IP6K1: variants seen among roughly 807,000 people sequenced by gnomAD.
IP6K1 encodes ATP:1D-myo-inositol-hexakisphosphate phosphotransferase.
A neutral mutation model predicts 38.3 loss-of-function variants in IP6K1; 13 were observed. The ratio of observed to expected loss-of-function variants is 0.34; its 90% CI spans 0.22 to 0.54. The LOEUF is 0.54. IP6K1 is among the 20% of genes least tolerant of loss of function. The pLI, the probability that IP6K1 is intolerant of heterozygous loss-of-function variation, is 0.92. For synonymous variants in IP6K1, 212 were observed against 229.9 expected (o/e 0.92, Z 0.70); for missense variants, 397 against 599.8 (o/e 0.66, Z 3.53).
intron 1 of IP6K1, among the ~76,000 whole-genome samples, chr3:49,761,188 G>A (rs987831124): frequency 2.6e-5 from 4 of 151,486 alleles, no homozygotes; most frequent in Admixed American, 2.0e-4. Flanking sequence ...GGTGGTGGGC[G>A]CCTGTAGTCC....
At chr3:49,771,188 CAAAAAAAAAAA>C (rs35601566) in intron 1 of IP6K1, among the ~76,000 whole-genome samples, 1 of 72,508 alleles carries the variant, frequency 1.4e-5, no homozygotes, top group Non-Finnish European at 2.7e-5. Context: ...AACTCAGTAA[CAAAAAAAAAAA>C]AAAAAAAAAA....
intron 1 of IP6K1, among the ~76,000 whole-genome samples, chr3:49,753,279 A>T (rs2080794845): frequency 6.6e-6 from 1 of 152,094 alleles, no homozygotes; most frequent in Non-Finnish European, 1.5e-5. Flanking sequence ...CCTCTGCCTA[A>T]ACATTCTTCC....
intron 1 of IP6K1, among the ~76,000 whole-genome samples, chr3:49,760,296 G>A (rs1354126401): frequency 1.3e-5 from 2 of 152,036 alleles, no homozygotes; most frequent in Non-Finnish European, 2.9e-5. Flanking sequence ...CTTCACCTAC[G>A]CAAACCCATC....
chr3:49,783,444 A>G (rs1039549554), intron 1 of IP6K1, among the ~76,000 whole-genome samples: 7 of 151,708 alleles, frequency 4.6e-5, no homozygotes, highest in African/African-American at 1.7e-4. Context: ...TGGGTGCAGT[A>G]GCTCTCGCCT....
At position 49,727,034 on chromosome 3, in the gene IP6K1, G is replaced by C. The variant is rs1174207198; in HGVS notation, c.*88C>G. 4 of 1,292,372 alleles carry C rather than the reference G, an allele frequency of 3.1e-6. No individual in the cohort carries two copies. The highest frequency in any genetic ancestry group is 1.4e-5 in the South Asian group (1 of 69,662). The allele number at this position is 1,292,372 out of a possible 1,614,324, so 80.1% of individuals were successfully genotyped here. A position where few individuals can be genotyped will look rare whatever the true frequency, so the allele number is the denominator to read the frequency against. On this transcript the variant is annotated 3_prime_UTR_variant, in exon 6 of 6. Transcript: ENST00000321599. The surrounding 1 kb of genome is among the most constrained non-coding windows in gnomAD (Gnocchi z 5.9). ...CAAAGAGAAATATAACCCTTTAAAA[G>C]CAAGTCTGTGTGTCCTCACGGCAAG... is the stretch of plus-strand genomic sequence containing the variant.
rs2080507666 is a variant in IP6K1, at chr3:49,726,793, C to A, written c.*329G>T. ...TCAGCAGGGCCCTGCAGCCACAGAT[C>A]TCAAAGATCTAGACAAGAGAAACCA... On this transcript the variant is annotated 3_prime_UTR_variant, in exon 6 of 6. Coordinates refer to ENST00000321599, the MANE Select transcript of IP6K1 (RefSeq NM_153273.4). The A allele has an allele frequency of 2.5e-6, 1 of 400,718 alleles. No homozygotes were observed. The highest frequency in any genetic ancestry group is 2.1e-5 in the African/African-American group (1 of 48,574). 24.8% of individuals were successfully genotyped at this position (400,718 alleles called of 1,614,324 possible). A position where few individuals can be genotyped will look rare whatever the true frequency, so the allele number is the denominator to read the frequency against.
rs150394840 is a variant in IP6K1 at position 49,748,523 on chromosome 3, C to T, written c.-128-355G>A. On this transcript the variant is annotated intron_variant, in intron 1 of 5. Coordinates refer to ENST00000321599, the MANE Select transcript of IP6K1 (RefSeq NM_153273.4). ...ACCCAAAGATGAGATCAGAAAAAAA[C>T]AGAAGGCAATGGGAATTTGTTCTGT... Among the ~76,000 whole-genome samples, 17 of 152,276 alleles carry T rather than the reference C, an allele frequency of 1.1e-4. No individual in the cohort carries two copies. The East Asian group carries it at 2.3e-3, about 21-fold the overall frequency.
intron 2 of IP6K1, among the ~76,000 whole-genome samples, chr3:49,745,085 T>C (rs1047752668): frequency 6.6e-6 from 1 of 151,770 alleles, no homozygotes; most frequent in Non-Finnish European, 1.5e-5. Context: ...AACTCATAAG[T>C]GTAAAAGACA....
intron 4 of IP6K1, among the ~76,000 whole-genome samples, chr3:49,728,881 T>A (rs2080537254): frequency 6.6e-6 from 1 of 151,916 alleles, no homozygotes; most frequent in Non-Finnish European, 1.5e-5. Context: ...AGCTAGAACT[T>A]TTTCATCTTC....
chr3:49,778,316 ACTCGGT>A (rs1203716824), intron 1 of IP6K1, among the ~76,000 whole-genome samples: 1 of 138,182 alleles, frequency 7.2e-6, no homozygotes, highest in Middle Eastern at 4.8e-3. Flanking sequence ...CAAGAGTGAG[ACTCGGT>A]CTCAAAAAAA....
chr3:49,729,902 A>T (rs890061522), intron 4 of IP6K1, among the ~76,000 whole-genome samples: 17 of 150,852 alleles, frequency 1.1e-4, no homozygotes, highest in Admixed American at 3.3e-4. Flanking sequence ...TTTAATTATT[A>T]TTTTTTTTGA....
At chr3:49,746,003 C>T (rs1458442004) in intron 2 of IP6K1, among the ~76,000 whole-genome samples, 3 of 152,128 alleles carry the variant, frequency 2.0e-5, no homozygotes, top group African/African-American at 7.2e-5. Context: ...CAAGTCAAAG[C>T]CACAGATACC....
intron 4 of IP6K1, among the ~76,000 whole-genome samples, chr3:49,732,080 C>T (rs1393440128): frequency 6.6e-6 from 1 of 151,866 alleles, no homozygotes; most frequent in Non-Finnish European, 1.5e-5. Context: ...CAAGCACACA[C>T]CACCACATCC....
At chr3:49,780,191 C>G (rs2081052394) in intron 1 of IP6K1, among the ~76,000 whole-genome samples, 1 of 151,998 alleles carries the variant, frequency 6.6e-6, no homozygotes, top group African/African-American at 2.4e-5. Context: ...AACAAAGTCC[C>G]TAACAGAGAT....
intron 1 of IP6K1, among the ~76,000 whole-genome samples, chr3:49,784,336 T>C (rs78804971): frequency 0.058 from 8,745 of 151,990 alleles, 317 homozygotes; most frequent in South Asian, 0.13. Flanking sequence ...AAGATCCTGA[T>C]AGAAGTGCAC....
At chr3:49,748,478 C>G (rs777655003) in intron 1 of IP6K1, among the ~76,000 whole-genome samples, 5 of 152,116 alleles carry the variant, frequency 3.3e-5, no homozygotes, top group Non-Finnish European at 7.4e-5. Context: ...CAGGAAAGCA[C>G]CTATCCCGGT....
chr3:49,775,126 C>T (rs534508831), intron 1 of IP6K1, among the ~76,000 whole-genome samples: 1 of 152,270 alleles, frequency 6.6e-6, no homozygotes, highest in South Asian at 2.1e-4. Context: ...TAATCAAAGC[C>T]TTCTTGTGTT....
chr3:49,778,911 C>T (rs763080593), intron 1 of IP6K1, among the ~76,000 whole-genome samples: 22 of 152,170 alleles, frequency 1.4e-4, no homozygotes, highest in Non-Finnish European at 2.8e-4. Context: ...GGGGATGAGC[C>T]ACCATGTCCA....
At chr3:49,743,681 G>A (rs1033832640) in intron 2 of IP6K1, among the ~76,000 whole-genome samples, 1 of 148,662 alleles carries the variant, frequency 6.7e-6, no homozygotes, top group African/African-American at 2.5e-5. Flanking sequence ...ATGCAATGGC[G>A]TGGTCTCTGC....
Sources: gnomAD v4.1 joint callset for allele counts (sites outside exome capture counted in the v4.1 genomes callset) on GRCh38, gnomAD v4.1.1 for gene constraint, Gnocchi (gnomAD v3.1) non-coding constraint, MANE v1.5 for transcripts, NCBI Gene and HGNC (gene_info 2026-07-23, HGNC 2026-07-21) for gene names.